Variants in ANKRD26 observed in about 807,000 individuals in gnomAD.
The protein encoded by ANKRD26 is ankyrin repeat domain 26.
A neutral mutation model predicts 208.7 loss-of-function variants in ANKRD26; 141 were observed. That is an observed-to-expected ratio of 0.68 (90% confidence interval 0.59 to 0.78). ANKRD26 has a LOEUF of 0.78. Among genes scored for constraint, ANKRD26 ranks in the 30% least tolerant of loss-of-function variants. The pLI is 0.00. For missense variants in ANKRD26, 1,889 were observed against 1,938.7 expected, an observed-to-expected ratio of 0.97 and a Z score of 0.48; for synonymous variants, 636 against 660.4, an observed-to-expected ratio of 0.96 and a Z score of 0.57.
chr10:27,023,436 G>C (rs1199511942), intron 28 of ANKRD26, among the ~76,000 whole-genome samples: 1 of 146,500 alleles, frequency 6.8e-6, no homozygotes, highest in Non-Finnish European at 1.5e-5. Flanking sequence ...CTGTTTATAA[G>C]AAGAAAAGTA....
the ANKRD26 span, among the ~76,000 whole-genome samples, chr10:26,960,668 CT>C: frequency 1.3e-5 from 2 of 152,204 alleles, no homozygotes; most frequent in East Asian, 3.8e-4. Context: ...TTTTGATAAT[CT>C]TTTAAAGGAG....
At position 27,045,980 on chromosome 10, in the gene ANKRD26, A is replaced by G. The variant is rs7896954; in HGVS notation, c.1985+373T>C. The stretch of plus-strand genomic sequence containing the variant: ...TGACATGCAAACAAAACTAAATTTC[A>G]TAAGCATTTCCTTCTCTACTGGGTC... On this transcript the variant is annotated intron_variant, in intron 18 of 33. Coordinates refer to ENST00000376087, the MANE Select transcript of ANKRD26 (RefSeq NM_014915.3). 4.6e-3 allele frequency: 746 copies of G among 160,458 alleles called. 9 individuals are homozygous for G. Among genetic ancestry groups the G allele is most frequent in the African/African-American group, 0.017 (708 of 41,732 alleles). The allele number at this position is 160,458 out of a possible 1,614,324, so 9.9% of individuals were successfully genotyped here. A position where few individuals can be genotyped will look rare whatever the true frequency, so the allele number is the denominator to read the frequency against.
chr10:27,015,764 C>T (rs7902540), intron 30 of ANKRD26, among the ~76,000 whole-genome samples: 122,825 of 152,134 alleles, frequency 0.81, 49,924 homozygotes, highest in East Asian at 0.99. Flanking sequence ...ACATCCTTTC[C>T]ACCAGTTTGC....
At chr10:27,050,979 C>G (rs1476592278) in intron 16 of ANKRD26, 3 of 1,023,808 alleles carry the variant, frequency 2.9e-6, no homozygotes, top group Non-Finnish European at 2.5e-6. Context: ...TATACATGAG[C>G]TCTTCATAAG....
chr10:26,985,832 G>A (rs936958599), intron 3 of ANKRD26, among the ~76,000 whole-genome samples: 11 of 152,160 alleles, frequency 7.2e-5, no homozygotes, highest in South Asian at 2.1e-4. Flanking sequence ...TCTTTTGCCA[G>A]TTGAAAAGCT....
intron 22 of ANKRD26, among the ~76,000 whole-genome samples, chr10:27,037,625 C>T (rs1052926442): frequency 6.6e-6 from 1 of 152,058 alleles, no homozygotes; most frequent in African/African-American, 2.4e-5. Context: ...CATTAAATGC[C>T]TAAATTAACA....
rs765723661 is a variant in ANKRD26 at position 27,092,506 on chromosome 10, G to A, written c.538C>T (p.Leu180Phe). Reference protein sequence around the residue: ...ANIEAKNKDDLTPLLLAVSGK... With the variant: ...ANIEAKNKDDFTPLLLAVSGK... ...CTTACTGCAAGTAAAAGTGGTGTGA[G>A]GTCATCCTGTAAGACAGCAAAAACA... Residue 180 changes from leucine to phenylalanine, a missense_variant, in exon 4 of 34, where the codon CTC becomes TTC. By Grantham distance (22) the Leu-to-Phe change is conservative (BLOSUM62 0). Transcript: ENST00000376087. The A allele has an allele frequency of 8.1e-6, 13 of 1,612,256 alleles. No homozygotes were observed. Among genetic ancestry groups the A allele is most frequent in the African/African-American group, 1.3e-5 (1 of 74,852 alleles).
chr10:27,093,515 T>C lies in ANKRD26; in HGVS notation c.365A>G (p.Gln122Arg). 1 of 1,614,198 alleles carries C rather than the reference T, an allele frequency of 6.2e-7. No homozygotes were observed. Among genetic ancestry groups the C allele is most frequent in the Non-Finnish European group, 8.5e-7 (1 of 1,180,038 alleles). The stretch of plus-strand genomic sequence containing the variant: ...AGTTGCACATTTCTCTTCCTGGCAT[T>C]GTACAGCCTGGGAGTATTAGACCAA... Reference protein sequence around the residue: ...ENRTALMKAVQCQEEKCATIL... With the variant: ...ENRTALMKAVRCQEEKCATIL... The change falls in exon 3 of 34, where the codon CAA becomes CGA. Residue 122 changes from glutamine to arginine, a missense_variant. Gln to Arg is a conservative substitution (Grantham distance 43, BLOSUM62 1). Transcript: ENST00000376087.
intron 25 of ANKRD26, 86 bp from the exon 26 acceptor site, chr10:27,029,442 G>T: frequency 7.9e-7 from 1 of 1,261,628 alleles, no homozygotes. Flanking sequence ...AAACCTTATC[G>T]GAACACAGTC....
At position 27,024,559 on chromosome 10, in the gene ANKRD26, A is replaced by G. The variant is rs2053597998; in HGVS notation, c.3973T>C (p.Ser1325Pro). Residue 1325 changes from serine (S) to proline (P), a missense_variant and splice_region_variant, in exon 28 of 34, where the codon TCT becomes CCT. This residue lies in a region of ANKRD26 where 613 missense variants were observed against 648.2 expected (regional missense o/e 0.95). Transcript: ENST00000376087. Reference protein sequence around the residue: ...LQKNLLNANLSEDEKEQLKKL... With the variant: ...LQKNLLNANLPEDEKEQLKKL... ...TTTAATTGTTCCTTTTCATCTTCAG[A>G]CTTTGAAACAAAATATTTTCAATTA... 6.8e-7 allele frequency: 1 copy of G among 1,468,838 alleles called. No homozygotes were observed. Among genetic ancestry groups the G allele is most frequent in the Non-Finnish European group, 9.5e-7 (1 of 1,051,976 alleles). The allele number at this position is 1,468,838 out of a possible 1,614,324, so 91.0% of individuals were successfully genotyped here.
At chr10:27,030,565 G>T (rs1564369872) in intron 25 of ANKRD26, 1 of 985,250 alleles carries the variant, frequency 1.0e-6, no homozygotes, top group Non-Finnish European at 1.2e-6. Flanking sequence ...CTCTTTGGGT[G>T]GGAAAGCGGT....
downstream of ANKRD26, among the ~76,000 whole-genome samples, chr10:26,971,675 CAAAAA>C (rs1170237211): frequency 2.2e-5 from 2 of 89,454 alleles, no homozygotes. Flanking sequence ...GACCATGTCT[CAAAAA>C]AAAAAAAAAA....
At chr10:26,983,807 T>A (rs1305089156) in intron 3 of ANKRD26, among the ~76,000 whole-genome samples, 1 of 152,200 alleles carries the variant, frequency 6.6e-6, no homozygotes, top group Non-Finnish European at 1.5e-5. Flanking sequence ...GTCTTTTCAA[T>A]GGGCTAATGA....
chr10:27,066,260 C>A, intron 11 of ANKRD26: 2 of 325,428 alleles, frequency 6.1e-6, no homozygotes, highest in Non-Finnish European at 1.1e-5. Context: ...TTTTTTTGCA[C>A]TATCCTTCAC....
chr10:27,058,184 T>C (rs1414278709), intron 15 of ANKRD26, among the ~76,000 whole-genome samples: 1 of 152,176 alleles, frequency 6.6e-6, no homozygotes, highest in African/African-American at 2.4e-5. Flanking sequence ...GGCCATTTCA[T>C]CATCAAGGGA....
chr10:27,073,850 T>C (rs2055592143), intron 9 of ANKRD26, among the ~76,000 whole-genome samples: 1 of 152,164 alleles, frequency 6.6e-6, no homozygotes, highest in Non-Finnish European at 1.5e-5. Context: ...ACCCAGTACA[T>C]CGTTATTACT....
intron 27 of ANKRD26, among the ~76,000 whole-genome samples, chr10:27,028,255 G>C (rs979114395): frequency 2.6e-5 from 4 of 152,056 alleles, no homozygotes; most frequent in African/African-American, 9.7e-5. Context: ...ATGTCACAGT[G>C]AAAACACAGT....
chr10:26,974,460 C>A (rs918639685), exon 6 of ANKRD26, among the ~76,000 whole-genome samples: 7 of 151,978 alleles, frequency 4.6e-5, no homozygotes, highest in African/African-American at 1.7e-4. Flanking sequence ...CCTGCCTCAG[C>A]CTCCAGAGTA....
intron 9 of ANKRD26, among the ~76,000 whole-genome samples, chr10:27,074,141 A>C (rs2055605900): frequency 6.6e-6 from 1 of 152,308 alleles, no homozygotes; most frequent in East Asian, 1.9e-4. Context: ...ATCCCCCTAA[A>C]AGATCACACT....
Sources: gnomAD v4.1 joint callset for allele counts (sites outside exome capture counted in the v4.1 genomes callset) on GRCh38, gnomAD v4.1.1 for gene constraint, gnomAD v4.1.1 regional missense constraint, MANE v1.5 for transcripts, NCBI Gene and HGNC (gene_info 2026-07-23, HGNC 2026-07-21) for gene names.